Variants in KCNMA1 observed in about 807,000 individuals in gnomAD.
The protein encoded by KCNMA1 is potassium calcium-activated channel subfamily M alpha 1.
A neutral mutation model predicts 140.0 loss-of-function variants in KCNMA1; 29 were observed. That is an observed-to-expected ratio of 0.21 (90% CI 0.15 to 0.28). The LOEUF (loss-of-function observed/expected upper bound fraction) is 0.28, where lower values mean the gene tolerates loss of function less well. Among genes scored for constraint, KCNMA1 ranks in the 10% least tolerant of loss-of-function variants. KCNMA1 has a pLI of 1.00. For synonymous variants in KCNMA1, 612 were observed against 611.9 expected, an observed-to-expected ratio of 1.00 and a Z score of 0.00; for missense variants, 880 against 1,602.2, an observed-to-expected ratio of 0.55 and a Z score of 7.70.
At chr10:77,294,868 G>A (rs2154318067) in intron 2 of KCNMA1, among the ~76,000 whole-genome samples, 1 of 152,098 alleles carries the variant, frequency 6.6e-6, no homozygotes, top group East Asian at 1.9e-4. Flanking sequence ...GCAGTCAGCC[G>A]AGATTGTGCC....
Position 77,454,007 on chromosome 10 carries a change from A to G in KCNMA1, c.379-49984T>C, listed in dbSNP as rs142869813. Among the ~76,000 whole-genome samples, 12 of 152,322 alleles carry G rather than the reference A, an allele frequency of 7.9e-5. No individual in the cohort carries two copies. In the East Asian group the frequency reaches 2.3e-3, roughly 29 times the overall value. ...TAAGAGAGCTCTGGTTCCACCTAAT[A>G]AAGCTCAAAGGCAAGACCCAAAAAA... On this transcript the variant is annotated intron_variant, in intron 1 of 27. Transcript: ENST00000286628.
At chr10:77,396,156 A>G (rs1027040675) in intron 2 of KCNMA1, among the ~76,000 whole-genome samples, 7 of 152,248 alleles carry the variant, frequency 4.6e-5, no homozygotes, top group Non-Finnish European at 7.3e-5. Context: ...TCCCAATAGC[A>G]GAGAGCAGGA....
intron 20 of KCNMA1, among the ~76,000 whole-genome samples, chr10:76,956,469 C>A (rs1156606635): frequency 1.3e-5 from 2 of 152,132 alleles, no homozygotes; most frequent in Non-Finnish European, 2.9e-5. Flanking sequence ...AGAGACTGAC[C>A]TGAGGAACAT....
chr10:77,206,385 T>C (rs1043389137), intron 3 of KCNMA1, among the ~76,000 whole-genome samples: 4 of 152,196 alleles, frequency 2.6e-5, no homozygotes, highest in Non-Finnish European at 5.9e-5. Context: ...AGTGGTGTTG[T>C]GGAGTTTAAA....
At chr10:76,967,631 G>A (rs574928409) in intron 20 of KCNMA1, among the ~76,000 whole-genome samples, 1 of 152,300 alleles carries the variant, frequency 6.6e-6, no homozygotes, top group Admixed American at 6.5e-5. Context: ...TGGTAAGGGA[G>A]GAGTGTCTAA....
intron 2 of KCNMA1, among the ~76,000 whole-genome samples, chr10:77,324,971 C>CTCTCTCTCTGTGTGTGTGTGTGTGTG (rs766240356): frequency 1.1e-5 from 1 of 90,378 alleles, no homozygotes; most frequent in Non-Finnish European, 2.1e-5. Context: ...CTCTCTCTCT[C>CTCTCTCTCTGTGTGTGTGTGTGTGTG]TGTGTGTGTG....
At chr10:77,514,263 A>T (rs2049497784) in intron 1 of KCNMA1, among the ~76,000 whole-genome samples, 1 of 152,194 alleles carries the variant, frequency 6.6e-6, no homozygotes, top group Non-Finnish European at 1.5e-5. Flanking sequence ...AGAGATAGCC[A>T]GGCCTCACCA....
chr10:77,334,081 G>A (rs2087787483), intron 2 of KCNMA1, among the ~76,000 whole-genome samples: 1 of 152,048 alleles, frequency 6.6e-6, no homozygotes, highest in Admixed American at 6.5e-5. Flanking sequence ...CCTTTCCTTT[G>A]CCTTGTTTGA....
chr10:77,357,290 T>C (rs183316964), intron 2 of KCNMA1, among the ~76,000 whole-genome samples: 1 of 152,234 alleles, frequency 6.6e-6, no homozygotes, highest in Non-Finnish European at 1.5e-5. Context: ...TGAAGATACA[T>C]GCAGTTCCTC....
At chr10:77,508,581 C>CTTTTTTTTTTTTTTTT (rs761735012) in intron 1 of KCNMA1, among the ~76,000 whole-genome samples, 77 of 99,836 alleles carry the variant, frequency 7.7e-4, no homozygotes, top group African/African-American at 1.1e-3. Flanking sequence ...TTTTTCTTTT[C>CTTTTTTTTTTTTTTTT]TTTTTTTTTT....
At chr10:77,158,547 C>T (rs917770751) in intron 5 of KCNMA1, among the ~76,000 whole-genome samples, 3 of 152,102 alleles carry the variant, frequency 2.0e-5, no homozygotes, top group African/African-American at 4.8e-5. Context: ...GTCCCCCCCT[C>T]CATGATTCCT....
At chr10:77,113,729 G>A (rs2097380956) in intron 6 of KCNMA1, among the ~76,000 whole-genome samples, 1 of 152,114 alleles carries the variant, frequency 6.6e-6, no homozygotes, top group Admixed American at 6.6e-5. Flanking sequence ...CTCCCAAAGT[G>A]CTAGGATTAC....
chr10:76,884,812 A>C, downstream of KCNMA1: 2 of 994,152 alleles, frequency 2.0e-6, no homozygotes, highest in Non-Finnish European at 2.8e-6. Context: ...GGGGAAAAGC[A>C]AAACAAAATA....
intron 25 of KCNMA1, chr10:76,904,645 T>C (rs1590089124): frequency 6.6e-6 from 1 of 152,100 alleles, no homozygotes; most frequent in South Asian, 2.1e-4. Flanking sequence ...TGTAGTAGGG[T>C]TCCCCTTTTT....
At chr10:77,279,064 G>C (rs576649817) in intron 2 of KCNMA1, among the ~76,000 whole-genome samples, 8 of 152,252 alleles carry the variant, frequency 5.3e-5, no homozygotes, top group South Asian at 2.1e-4. Context: ...GTTGTTGGAA[G>C]CTCCAGCATT....
intron 3 of KCNMA1, among the ~76,000 whole-genome samples, chr10:77,208,861 A>G (rs2045059224): frequency 6.6e-6 from 1 of 152,158 alleles, no homozygotes; most frequent in African/African-American, 2.4e-5. Context: ...ACCAACTATT[A>G]TGTGTTCTTA....
intron 19 of KCNMA1, among the ~76,000 whole-genome samples, chr10:76,994,885 A>G (rs552261316): frequency 6.6e-6 from 1 of 152,314 alleles, no homozygotes; most frequent in East Asian, 1.9e-4. Flanking sequence ...CCATATGAGA[A>G]GGAGAATCCC....
At chr10:77,081,861 AAGG>A (rs1328494873) in intron 12 of KCNMA1, among the ~76,000 whole-genome samples, 3 of 151,944 alleles carry the variant, frequency 2.0e-5, no homozygotes, top group Non-Finnish European at 4.4e-5. Context: ...ACTGAGGAGG[AAGG>A]AGGATTATAC....
At chr10:77,536,246 C>A (rs751712477) in intron 1 of KCNMA1, among the ~76,000 whole-genome samples, 1 of 152,184 alleles carries the variant, frequency 6.6e-6, no homozygotes, top group African/African-American at 2.4e-5. Flanking sequence ...TTTGGTTTGG[C>A]AACTACTCTT....
Sources: allele counts gnomAD v4.1 joint callset (sites outside exome capture counted in the v4.1 genomes callset), GRCh38; gene constraint gnomAD v4.1.1; transcripts MANE v1.5; gene names NCBI Gene and HGNC (gene_info 2026-07-23, HGNC 2026-07-21).